The following IL1RAPL1 variants were observed in gnomAD, a reference collection of about 807,000 sequenced individuals.
IL1RAPL1 encodes interleukin-1 receptor accessory protein-like 1.
In IL1RAPL1, 3 loss-of-function variants were observed where a neutral mutation model predicts 48.4. That is an observed-to-expected ratio of 0.06 (90% CI 0.03 to 0.16). The LOEUF (loss-of-function observed/expected upper bound fraction) is 0.16, where lower values mean the gene tolerates loss of function less well. Among genes scored for constraint, IL1RAPL1 ranks in the 10% least tolerant of loss-of-function variants. IL1RAPL1 has a pLI of 1.00. For missense variants in IL1RAPL1, 349 were observed against 530.6 expected, an observed-to-expected ratio of 0.66 and a Z score of 3.36; for synonymous variants, 185 against 187.7, an observed-to-expected ratio of 0.99 and a Z score of 0.12.
At chrX:29,469,271 A>T (rs715329) in intron 5 of IL1RAPL1, among the ~76,000 whole-genome samples, 13,624 of 111,616 alleles carry the variant, frequency 0.12, 1,490 homozygotes, top group African/African-American at 0.35. Context: ...ATCTGTTTGC[A>T]TAATAAACCA....
chrX:29,234,781 G>A (rs1188209563), intron 2 of IL1RAPL1, among the ~76,000 whole-genome samples: 1 of 111,875 alleles, frequency 8.9e-6, no homozygotes, highest in Non-Finnish European at 1.9e-5. Context: ...ACTAAGCTTC[G>A]GTTTTCCAAT....
chrX:29,718,815 T>C (rs1446749867), intron 6 of IL1RAPL1, among the ~76,000 whole-genome samples: 1 of 110,040 alleles, frequency 9.1e-6, no homozygotes, highest in East Asian at 2.9e-4. Flanking sequence ...GCAGCAATCA[T>C]TGAGGCACAA....
intron 2 of IL1RAPL1, among the ~76,000 whole-genome samples, chrX:29,086,135 C>T (rs1338713096): frequency 8.9e-6 from 1 of 112,025 alleles, no homozygotes; most frequent in East Asian, 2.8e-4. Flanking sequence ...GATTTCAGTG[C>T]TAAGATATTC....
intron 5 of IL1RAPL1, among the ~76,000 whole-genome samples, chrX:29,566,605 T>C (rs1472605693): frequency 1.8e-5 from 2 of 111,919 alleles, no homozygotes; most frequent in Non-Finnish European, 3.8e-5. Context: ...AGAGCCTGGC[T>C]AGATGAGTGA....
intron 6 of IL1RAPL1, among the ~76,000 whole-genome samples, chrX:29,904,673 CAT>C (rs1932571659): frequency 9.0e-6 from 1 of 111,673 alleles, no homozygotes; most frequent in Non-Finnish European, 1.9e-5. Flanking sequence ...CTTCCAGCTT[CAT>C]CCATGTCCCT....
chrX:29,201,577 C>G (rs1930555609), intron 2 of IL1RAPL1, among the ~76,000 whole-genome samples: 1 of 112,229 alleles, frequency 8.9e-6, no homozygotes, highest in African/African-American at 3.2e-5. Context: ...AATGCATATG[C>G]AAAAGACATA....
chrX:29,894,724 A>G (rs763581707), intron 6 of IL1RAPL1, among the ~76,000 whole-genome samples: 1 of 112,216 alleles, frequency 8.9e-6, no homozygotes, highest in African/African-American at 3.2e-5. Context: ...TTCTTAACCC[A>G]GGATTCTTGG....
intron 6 of IL1RAPL1, among the ~76,000 whole-genome samples, chrX:29,757,296 C>T (rs1928642941): frequency 8.9e-6 from 1 of 112,232 alleles, no homozygotes; most frequent in African/African-American, 3.2e-5. Context: ...CATTTTGACT[C>T]TTACCTCTCC....
intron 1 of IL1RAPL1, among the ~76,000 whole-genome samples, chrX:28,663,163 C>T (rs1284318282): frequency 4.5e-5 from 5 of 111,871 alleles, no homozygotes; most frequent in South Asian, 3.7e-4. Context: ...CAGGTCTTAC[C>T]CCCGCCTAGA....
At chrX:29,029,850 C>G (rs1028153554) in intron 2 of IL1RAPL1, among the ~76,000 whole-genome samples, 1 of 110,661 alleles carries the variant, frequency 9.0e-6, no homozygotes. Flanking sequence ...TTGTTATCTT[C>G]TAGTAGTCTT....
Position 29,956,071 on chromosome X carries a change from A to C in IL1RAPL1, c.*251A>C. 2.5e-6 allele frequency: 1 copy of C among 392,990 alleles called. No individual in the cohort carries two copies. Among genetic ancestry groups the C allele is most frequent in the Non-Finnish European group, 4.4e-6 (1 of 225,590 alleles). 32.4% of individuals were successfully genotyped at this position (392,990 alleles called of 1,213,427 possible). On this transcript the variant is annotated 3_prime_UTR_variant, in exon 11 of 11. Transcript: ENST00000378993. ...ATGTCGTTGGAATTTGTAAATTTAC[A>C]TTTTTTTTAAAGAAGAGACTGATGT...
intron 1 of IL1RAPL1, among the ~76,000 whole-genome samples, chrX:28,656,952 G>A (rs998873785): frequency 4.7e-5 from 5 of 106,873 alleles, no homozygotes; most frequent in South Asian, 4.3e-4. Flanking sequence ...CATGAACCCC[G>A]GGAGGCGGAG....
chrX:29,029,348 A>G (rs1468156007), intron 2 of IL1RAPL1, among the ~76,000 whole-genome samples: 3 of 110,935 alleles, frequency 2.7e-5, no homozygotes, highest in Non-Finnish European at 5.7e-5. Flanking sequence ...TCCAGTGCTC[A>G]CTTCCTTAAT....
At chrX:29,283,807 A>G (rs947375323) in intron 3 of IL1RAPL1, among the ~76,000 whole-genome samples, 3 of 106,141 alleles carry the variant, frequency 2.8e-5, no homozygotes, top group African/African-American at 6.9e-5. Context: ...CAGTTCCTGT[A>G]TCCCCAAGGA....
intron 6 of IL1RAPL1, among the ~76,000 whole-genome samples, chrX:29,804,695 G>A (rs767946975): frequency 1.8e-5 from 2 of 112,034 alleles, no homozygotes; most frequent in Admixed American, 9.5e-5. Context: ...CCAGTCTTGT[G>A]TATGTCTTTA....
intron 2 of IL1RAPL1, among the ~76,000 whole-genome samples, chrX:29,271,353 G>A (rs747482653): frequency 3.6e-5 from 4 of 112,064 alleles, no homozygotes; most frequent in South Asian, 3.7e-4. Context: ...ATGACAGAAC[G>A]ATTTATATTC....
chrX:29,092,358 C>G (rs1928109496), intron 2 of IL1RAPL1, among the ~76,000 whole-genome samples: 2 of 111,323 alleles, frequency 1.8e-5, no homozygotes, highest in Admixed American at 9.6e-5. Flanking sequence ...AAACAATAAC[C>G]CATTGTATTG....
intron 2 of IL1RAPL1, among the ~76,000 whole-genome samples, chrX:29,221,739 G>A (rs1293734557): frequency 9.1e-6 from 1 of 109,536 alleles, no homozygotes. Flanking sequence ...TGGGCCAGGC[G>A]CAGTGGCTCA....
intron 2 of IL1RAPL1, among the ~76,000 whole-genome samples, chrX:29,015,766 G>T (rs1926228003): frequency 9.1e-6 from 1 of 110,338 alleles, no homozygotes; most frequent in Admixed American, 9.7e-5. Context: ...TTTCTCTATT[G>T]TACTCAGAAA....
Sources: gnomAD v4.1 joint callset for allele counts (sites outside exome capture counted in the v4.1 genomes callset) on GRCh38, gnomAD v4.1.1 for gene constraint, MANE v1.5 for transcripts, NCBI Gene and HGNC (gene_info 2026-07-23, HGNC 2026-07-21) for gene names.